The following NPY1R variants were observed in gnomAD, a reference collection of about 807,000 sequenced individuals.
The protein encoded by NPY1R is neuropeptide Y receptor type 1.
A neutral mutation model predicts 24.1 loss-of-function variants in NPY1R; 10 were observed. That is an observed-to-expected ratio of 0.42 (90% CI 0.26 to 0.71). The LOEUF (loss-of-function observed/expected upper bound fraction) is 0.71, where lower values mean the gene tolerates loss of function less well. Among genes scored for constraint, NPY1R ranks in the 30% least tolerant of loss-of-function variants. NPY1R has a pLI of 0.28. For synonymous variants in NPY1R, 168 were observed against 165.9 expected (o/e 1.01, Z -0.10); for missense variants, 350 against 458.0 (o/e 0.76, Z 2.15).
chr4:163,328,089 T>G (rs957224291), intron 1 of NPY1R, among the ~76,000 whole-genome samples: 10 of 151,142 alleles, frequency 6.6e-5, no homozygotes, highest in East Asian at 1.9e-4. Context: ...GAACATGAGT[T>G]TTTTTTTTTT....
At chr4:163,338,176 GGCCC>G (rs35397712) in intron 1 of NPY1R, among the ~76,000 whole-genome samples, 129,241 of 151,740 alleles carry the variant, frequency 0.85, 55,703 homozygotes, top group East Asian at 0.99. Flanking sequence ...GGTGAGAGAT[GGCCC>G]ATGGGTGATG....
intron 1 of NPY1R, among the ~76,000 whole-genome samples, chr4:163,332,108 T>TA (rs1210234007): frequency 2.0e-5 from 3 of 152,138 alleles, no homozygotes; most frequent in Non-Finnish European, 2.9e-5. Context: ...TCAAGACACG[T>TA]AAGGAAAATG....
upstream of NPY1R, among the ~76,000 whole-genome samples, chr4:163,335,880 C>T (rs960547448): frequency 6.6e-6 from 1 of 151,440 alleles, no homozygotes; most frequent in Non-Finnish European, 1.5e-5. Context: ...TATTAAAATG[C>T]TTTTTAAGCC....
chr4:163,338,230 G>A (rs1734890165), intron 1 of NPY1R, among the ~76,000 whole-genome samples: 1 of 152,092 alleles, frequency 6.6e-6, no homozygotes, highest in South Asian at 2.1e-4. Context: ...CTTCACAGCA[G>A]GATAAGGCCC....
At chr4:163,335,312 A>T (rs569176447), upstream of NPY1R, among the ~76,000 whole-genome samples, 1 of 152,320 alleles carries the variant, frequency 6.6e-6, no homozygotes, top group Admixed American at 6.5e-5. Context: ...TTGCTCTGTG[A>T]TATAAACTGA....
At chr4:163,336,058 C>G (rs1734833449), upstream of NPY1R, among the ~76,000 whole-genome samples, 1 of 152,132 alleles carries the variant, frequency 6.6e-6, no homozygotes, top group African/African-American at 2.4e-5. Context: ...AGTGCACAGA[C>G]AATTCAATGA....
chr4:163,328,052 C>A (rs1344984316), intron 1 of NPY1R, among the ~76,000 whole-genome samples: 1 of 150,674 alleles, frequency 6.6e-6, no homozygotes, highest in Non-Finnish European at 1.5e-5. Context: ...CTCTAATAAA[C>A]CTTTCCTTTA....
upstream of NPY1R, among the ~76,000 whole-genome samples, chr4:163,335,216 C>A (rs943065431): frequency 5.9e-5 from 9 of 152,034 alleles, no homozygotes; most frequent in African/African-American, 2.2e-4. Flanking sequence ...CTGTGTATTT[C>A]TTTCTGTAGT....
upstream of NPY1R, among the ~76,000 whole-genome samples, chr4:163,334,231 G>T (rs1734790932): frequency 6.6e-6 from 1 of 152,188 alleles, no homozygotes; most frequent in Non-Finnish European, 1.5e-5. Context: ...AATTACAAAT[G>T]AAGTAATTTA....
chr4:163,333,459 AACACACACAT>A (rs1273988474), upstream of NPY1R, among the ~76,000 whole-genome samples: 1 of 152,054 alleles, frequency 6.6e-6, no homozygotes, highest in Non-Finnish European at 1.5e-5. Flanking sequence ...CAAAGTTGTA[AACACACACAT>A]ACACACACAC....
At position 163,324,060 on chromosome 4, in the gene NPY1R, C is replaced by A. The variant is rs77125068; in HGVS notation, c.*1243G>T. On this transcript the variant is annotated 3_prime_UTR_variant, in exon 3 of 3. Transcript: ENST00000296533. ...ATCTGTATAATACATTGAAGTATGTCTTGTTCTTTAAAATATAGTTTCTCC... is the reference window on the plus strand; with the variant it reads ...ATCTGTATAATACATTGAAGTATGTATTGTTCTTTAAAATATAGTTTCTCC... The A allele has an allele frequency of 0.013, 1,938 of 152,436 alleles. 23 individuals carry two copies. Among genetic ancestry groups the A allele is most frequent in the South Asian group, 0.04 (194 of 4,820 alleles). 9.4% of individuals were successfully genotyped at this position (152,436 alleles called of 1,614,324 possible). A position where few individuals can be genotyped will look rare whatever the true frequency, so the allele number is the denominator to read the frequency against.
chr4:163,326,577 G>A lies in NPY1R; in HGVS notation c.-23C>T. ...CATTTTGATTGGTTTGGTTGTTATA[G>A]ATTATTTTAGACAAATGGACAGTAT... is the stretch of plus-strand genomic sequence containing the variant. On this transcript the variant is annotated 5_prime_UTR_variant, in exon 2 of 3. Coordinates refer to ENST00000296533, the MANE Select transcript of NPY1R (RefSeq NM_000909.6). 1 of 1,441,860 alleles carries A rather than the reference G, an allele frequency of 6.9e-7. No individual in the cohort carries two copies. Among genetic ancestry groups the A allele is most frequent in the South Asian group, 1.3e-5 (1 of 78,872 alleles). The allele number at this position is 1,441,860 out of a possible 1,614,324, so 89.3% of individuals were successfully genotyped here.
chr4:163,341,513 A>G (rs2110820547), intron 1 of NPY1R, among the ~76,000 whole-genome samples: 1 of 152,272 alleles, frequency 6.6e-6, no homozygotes. Context: ...AACCACAGCC[A>G]TGTTCCTCAG....
chr4:163,326,227 C>T lies in NPY1R; in HGVS notation c.328G>A (p.Glu110Lys). The change falls in exon 2 of 3, where the codon GAG becomes AAG. Residue 110 changes from glutamate to lysine, a missense_variant. By Grantham distance (56) the Glu-to-Lys change is moderately conservative. Coordinates refer to ENST00000296533, the MANE Select transcript of NPY1R (RefSeq NM_000909.6). ...YTLMDHWVFG[E>K]AMCKLNPFVQ... is the part of the protein sequence containing the mutation. ...AAAGGATTCAACTTACACATCGCCT[C>T]ACCAAAGACCCAGTGGTCCATTAAT... 3 of 1,614,156 alleles carry T rather than the reference C, an allele frequency of 1.9e-6. No individual in the cohort carries two copies. Among genetic ancestry groups the T allele is most frequent in the Non-Finnish European group, 2.5e-6 (3 of 1,179,974 alleles).
Position 163,326,069 on chromosome 4 carries a change from A to T in NPY1R, c.486T>A (p.Ile162=). The change falls in exon 2 of 3, where the codon ATT becomes ATA. Residue 162 remains isoleucine (I), a synonymous_variant. Transcript: ENST00000296533. ...NRHAYVGIAV[I]WVLAVASSLP... Reference sequence around the variant, plus strand: ...AAGAAGAAGCCACAGCAAGGACCCAAATCACAGCAATACCTACATAAGCAT... The same window carrying T: ...AAGAAGAAGCCACAGCAAGGACCCATATCACAGCAATACCTACATAAGCAT... 5 of 1,614,118 alleles carry T rather than the reference A, an allele frequency of 3.1e-6. No homozygotes were observed. Among genetic ancestry groups the T allele is most frequent in the Non-Finnish European group, 4.2e-6 (5 of 1,179,984 alleles).
At chr4:163,328,429 A>G (rs1734656490) in intron 1 of NPY1R, among the ~76,000 whole-genome samples, 1 of 152,244 alleles carries the variant, frequency 6.6e-6, no homozygotes, top group Admixed American at 6.5e-5. Flanking sequence ...ATTTAGCATC[A>G]TATTTCCTAT....
At position 163,325,108 on chromosome 4, in the gene NPY1R, C is replaced by A; in HGVS notation, c.*195G>T. On this transcript the variant is annotated 3_prime_UTR_variant, in exon 3 of 3. Transcript: ENST00000296533. ...TGGTCAAAACTATTTCCAGAAGACC[C>A]CAAAGCCCACACCTTTTGTTCCAAA... The A allele has an allele frequency of 1.8e-6, 1 of 560,836 alleles. No homozygotes were observed. The highest frequency in any genetic ancestry group is 3.1e-6 in the Non-Finnish European group (1 of 320,692). 34.7% of individuals were successfully genotyped at this position (560,836 alleles called of 1,614,324 possible).
chr4:163,327,305 A>G (rs1578932750), intron 1 of NPY1R, among the ~76,000 whole-genome samples: 1 of 152,332 alleles, frequency 6.6e-6, no homozygotes, highest in African/African-American at 2.4e-5. Flanking sequence ...TTAATCCGGA[A>G]AATACTTAGT....
rs578158280 is a variant in NPY1R at position 163,343,185 on chromosome 4, T to C, written c.-152+1120A>G. 8.6e-3 allele frequency among the ~76,000 whole-genome samples: 1,312 copies of C among 151,990 alleles called. 18 individuals carry two copies. The highest frequency in any genetic ancestry group is 0.028 in the African/African-American group (1,151 of 41,460). On this transcript the variant is annotated intron_variant, in intron 1 of 1. Coordinates refer to the NPY1R transcript ENST00000511901. ...GGGCTTTTTTCCCGTCTTTTTTTTTTTTTAACCTGTGACAATTCGTTTTTA... is the reference window on the plus strand; with the variant it reads ...GGGCTTTTTTCCCGTCTTTTTTTTTCTTTAACCTGTGACAATTCGTTTTTA...
Sources: allele counts gnomAD v4.1 joint callset (sites outside exome capture counted in the v4.1 genomes callset), GRCh38; gene constraint gnomAD v4.1.1; transcripts MANE v1.5; gene names NCBI Gene and HGNC (gene_info 2026-07-23, HGNC 2026-07-21).